The following GALNT13 variants were observed in gnomAD, a reference collection of about 807,000 sequenced individuals.
GALNT13 encodes the protein polypeptide N-acetylgalactosaminyltransferase 13.
GALNT13 carries 28 observed loss-of-function variants against 64.2 expected under a neutral mutation model. That is an observed-to-expected ratio of 0.44 (90% confidence interval 0.32 to 0.60). GALNT13 has a LOEUF of 0.60. Among genes scored for constraint, GALNT13 ranks in the 20% least tolerant of loss-of-function variants. The pLI is 0.05. For synonymous variants in GALNT13, 214 were observed against 224.6 expected, an observed-to-expected ratio of 0.95 and a Z score of 0.42; for missense variants, 577 against 669.8, an observed-to-expected ratio of 0.86 and a Z score of 1.53.
chr2:153,529,586 A>G, the GALNT13 span, among the ~76,000 whole-genome samples: 8 of 152,070 alleles, frequency 5.3e-5, no homozygotes, highest in Admixed American at 1.3e-4. Context: ...CCCTGATATC[A>G]AAACTAGACA....
the GALNT13 span, among the ~76,000 whole-genome samples, chr2:153,508,252 T>C: frequency 1.3e-5 from 2 of 152,166 alleles, no homozygotes; most frequent in African/African-American, 4.8e-5. Context: ...TCTCAGGCAG[T>C]GGGCAGGGCC....
intron 3 of GALNT13, among the ~76,000 whole-genome samples, chr2:153,972,482 C>T (rs190040756): frequency 5.9e-4 from 89 of 151,824 alleles, no homozygotes; most frequent in African/African-American, 2.1e-3. Flanking sequence ...TATGGAAGTC[C>T]CCTTATTAGA....
chr2:154,005,934 G>A (rs1290477733), intron 3 of GALNT13, among the ~76,000 whole-genome samples: 2 of 152,104 alleles, frequency 1.3e-5, no homozygotes, highest in African/African-American at 4.8e-5. Flanking sequence ...ACCTGTACAA[G>A]GACCATATAA....
the GALNT13 span, among the ~76,000 whole-genome samples, chr2:153,127,187 A>G: frequency 2.0e-5 from 3 of 152,176 alleles, no homozygotes; most frequent in African/African-American, 7.2e-5. Context: ...GCAATACATT[A>G]TAAATCAATA....
intron 1 of GALNT13, among the ~76,000 whole-genome samples, chr2:153,878,459 T>C (rs1558830321): frequency 6.6e-6 from 1 of 152,192 alleles, no homozygotes; most frequent in Non-Finnish European, 1.5e-5. Context: ...TTATAGCTTA[T>C]TCCATTCTCT....
rs566724697 is a variant in GALNT13 at position 154,193,189 on chromosome 2, A to G, written c.312-48841A>G. On this transcript the variant is annotated intron_variant, in intron 4 of 12. Coordinates refer to ENST00000392825, the MANE Select transcript of GALNT13 (RefSeq NM_052917.4). ...CTGAACAATTACAACAAATAATTTT[A>G]TTTGAAAATATTTCATAAATAATTT... is the stretch of plus-strand genomic sequence containing the variant. Among the ~76,000 whole-genome samples the G allele has an allele frequency of 2.4e-4, 36 of 152,350 alleles. No individual in the cohort carries two copies. The South Asian group carries it at 3.9e-3, about 17-fold the overall frequency.
At chr2:153,203,363 C>A in the GALNT13 span, among the ~76,000 whole-genome samples, 22,801 of 152,056 alleles carry the variant, frequency 0.15, 2,115 homozygotes, top group Non-Finnish European at 0.21. Context: ...TAACCTAAAG[C>A]AACACATTGA....
intron 2 of GALNT13, among the ~76,000 whole-genome samples, chr2:153,939,995 C>T (rs1319891970): frequency 2.0e-5 from 3 of 152,082 alleles, no homozygotes; most frequent in Non-Finnish European, 4.4e-5. Context: ...ATGTTAGGTT[C>T]CCTCCTGAGA....
chr2:153,642,989 T>C, the GALNT13 span, among the ~76,000 whole-genome samples: 2 of 151,612 alleles, frequency 1.3e-5, no homozygotes, highest in South Asian at 4.2e-4. Flanking sequence ...AAAACAAAAA[T>C]CATTATAATT....
At chr2:153,522,655 A>G in the GALNT13 span, among the ~76,000 whole-genome samples, 1 of 152,132 alleles carries the variant, frequency 6.6e-6, no homozygotes, top group Admixed American at 6.5e-5. Context: ...CCATGTGTAC[A>G]TCTTCTTTCG....
chr2:153,825,439 G>A, the GALNT13 span, among the ~76,000 whole-genome samples: 3 of 152,210 alleles, frequency 2.0e-5, no homozygotes, highest in South Asian at 2.1e-4. Context: ...TAGAGGCTAC[G>A]ACAAGCCACT....
the GALNT13 span, among the ~76,000 whole-genome samples, chr2:153,521,635 C>T: frequency 6.6e-6 from 1 of 152,214 alleles, no homozygotes; most frequent in Non-Finnish European, 1.5e-5. Context: ...CATGTACCCA[C>T]TACTATAGTA....
the GALNT13 span, among the ~76,000 whole-genome samples, chr2:153,101,507 G>A: frequency 6.6e-6 from 1 of 152,134 alleles, no homozygotes; most frequent in Non-Finnish European, 1.5e-5. Flanking sequence ...TTTTGAGATA[G>A]TATTCTTCCC....
chr2:153,561,991 C>T, the GALNT13 span, among the ~76,000 whole-genome samples: 1 of 112,364 alleles, frequency 8.9e-6, no homozygotes, highest in Non-Finnish European at 1.9e-5. Context: ...TAGTGTTTCA[C>T]ACTTTTGCCC....
intron 9 of GALNT13, among the ~76,000 whole-genome samples, chr2:154,366,510 C>T (rs1219293536): frequency 6.6e-6 from 1 of 152,158 alleles, no homozygotes; most frequent in East Asian, 1.9e-4. Flanking sequence ...AGTAAACCAA[C>T]TGACATCTTT....
At chr2:154,003,166 T>C (rs1469094694) in intron 3 of GALNT13, among the ~76,000 whole-genome samples, 1 of 152,166 alleles carries the variant, frequency 6.6e-6, no homozygotes, top group African/African-American at 2.4e-5. Context: ...ATTTTCATGC[T>C]TGTCACTGCA....
the GALNT13 span, among the ~76,000 whole-genome samples, chr2:153,458,973 G>T: frequency 6.6e-6 from 1 of 151,940 alleles, no homozygotes; most frequent in East Asian, 1.9e-4. Flanking sequence ...GTCAAACTGG[G>T]CACTTTTGCT....
At chr2:153,232,726 G>A in the GALNT13 span, among the ~76,000 whole-genome samples, 4 of 152,242 alleles carry the variant, frequency 2.6e-5, no homozygotes, top group African/African-American at 7.2e-5. Context: ...ACCACTTAAC[G>A]CTCTTAATCT....
At chr2:153,778,162 C>T in the GALNT13 span, among the ~76,000 whole-genome samples, 3 of 152,108 alleles carry the variant, frequency 2.0e-5, no homozygotes, top group African/African-American at 2.4e-5. Context: ...GCTTCTATGC[C>T]GGTGTGTTCC....
Sources: gnomAD v4.1 joint callset for allele counts (sites outside exome capture counted in the v4.1 genomes callset) on GRCh38, gnomAD v4.1.1 for gene constraint, MANE v1.5 for transcripts, NCBI Gene and HGNC (gene_info 2026-07-23, HGNC 2026-07-21) for gene names.